Variants in DYNC1I1 observed in about 807,000 individuals in gnomAD.
DYNC1I1 encodes the protein dynein cytoplasmic 1 intermediate chain 1, also known as cytoplasmic dynein 1 intermediate chain 1.
A neutral mutation model predicts 86.6 loss-of-function variants in DYNC1I1; 43 were observed. The ratio of observed to expected loss-of-function variants is 0.50; its 90% CI spans 0.39 to 0.64. DYNC1I1 has a LOEUF of 0.64. Among genes scored for constraint, DYNC1I1 ranks in the 30% least tolerant of loss-of-function variants. The pLI is 0.00. For synonymous variants in DYNC1I1, 262 were observed against 283.7 expected (o/e 0.92, Z 0.77); for missense variants, 604 against 788.8 (o/e 0.77, Z 2.81).
intron 1 of DYNC1I1, among the ~76,000 whole-genome samples, chr7:95,794,189 T>A (rs551406475): frequency 6.6e-6 from 1 of 152,326 alleles, no homozygotes; most frequent in Non-Finnish European, 1.5e-5. Context: ...CCTAGAGGGC[T>A]CCCATCTCCT....
chr7:96,049,303 C>T (rs1016408005), intron 14 of DYNC1I1, among the ~76,000 whole-genome samples: 3 of 149,094 alleles, frequency 2.0e-5, no homozygotes, highest in Non-Finnish European at 4.5e-5. Context: ...TTTTGCAGGA[C>T]TATGGCTGAA....
At chr7:95,878,482 A>T (rs1375827951) in intron 6 of DYNC1I1, among the ~76,000 whole-genome samples, 2 of 152,214 alleles carry the variant, frequency 1.3e-5, no homozygotes, top group African/African-American at 4.8e-5. Flanking sequence ...GAACTAATAG[A>T]AGAAAAGAAT....
At chr7:96,028,869 AG>A (rs1327101167) in intron 11 of DYNC1I1, among the ~76,000 whole-genome samples, 1 of 152,226 alleles carries the variant, frequency 6.6e-6, no homozygotes, top group African/African-American at 2.4e-5. Flanking sequence ...ATAATTTAGT[AG>A]AAGAGGTTCA....
chr7:95,880,567 T>C (rs1790427221), intron 6 of DYNC1I1, among the ~76,000 whole-genome samples: 1 of 151,446 alleles, frequency 6.6e-6, no homozygotes, highest in Non-Finnish European at 1.5e-5. Flanking sequence ...TGTGAGAGAG[T>C]GGGTAAGTCT....
chr7:95,803,801 G>A (rs1794639086), intron 1 of DYNC1I1, among the ~76,000 whole-genome samples: 1 of 151,990 alleles, frequency 6.6e-6, no homozygotes, highest in Non-Finnish European at 1.5e-5. Context: ...ATTTCTCAAG[G>A]TTTCCATTTT....
intron 1 of DYNC1I1, among the ~76,000 whole-genome samples, chr7:95,786,014 T>A (rs1391910311): frequency 6.6e-6 from 1 of 152,058 alleles, no homozygotes; most frequent in Non-Finnish European, 1.5e-5. Flanking sequence ...GTAGTTTGCC[T>A]TGATTAGCAC....
rs200377131 is a variant in DYNC1I1, at chr7:96,004,774, CCA to C, written c.969+8704_969+8705del. On this transcript the variant is annotated intron_variant, in intron 10 of 16. Coordinates refer to ENST00000447467, the MANE Select transcript of DYNC1I1 (RefSeq NM_001135556.2). ...CCAAAACCTCAAGCAGTGACAAAATCCACAGTGTCCTGTAGGGGATGCCTTTG... is the reference window on the plus strand; with the variant it reads ...CCAAAACCTCAAGCAGTGACAAAATCCAGTGTCCTGTAGGGGATGCCTTTG... Among the ~76,000 whole-genome samples the C allele has an allele frequency of 2.2e-4, 33 of 152,128 alleles. 1 individual carries two copies. The East Asian group carries it at 6.2e-3, about 29-fold the overall frequency.
intron 9 of DYNC1I1, 72 bp from the exon 10 acceptor site, chr7:95,995,876 A>AT: frequency 6.5e-7 from 1 of 1,531,632 alleles, no homozygotes; most frequent in Non-Finnish European, 8.8e-7. Flanking sequence ...TACCACGTGT[A>AT]TGTAGGAATA....
intron 15 of DYNC1I1, among the ~76,000 whole-genome samples, chr7:96,079,309 A>G (rs1420689406): frequency 6.6e-6 from 1 of 152,176 alleles, no homozygotes; most frequent in African/African-American, 2.4e-5. Context: ...GCATGAGATG[A>G]TCCTAGTGGC....
chr7:96,066,563 C>A (rs1203100314), intron 14 of DYNC1I1, among the ~76,000 whole-genome samples: 1 of 152,184 alleles, frequency 6.6e-6, no homozygotes, highest in African/African-American at 2.4e-5. Flanking sequence ...ATGGTAAAAA[C>A]CTGGGTACCT....
intron 6 of DYNC1I1, among the ~76,000 whole-genome samples, chr7:95,941,901 T>C (rs1365509047): frequency 1.3e-5 from 2 of 152,226 alleles, no homozygotes; most frequent in Admixed American, 1.3e-4. Flanking sequence ...GTGTCGCTCA[T>C]GCTGGGAGCT....
intron 4 of DYNC1I1, among the ~76,000 whole-genome samples, chr7:95,822,429 T>C (rs778142587): frequency 7.9e-5 from 12 of 152,198 alleles, no homozygotes; most frequent in Non-Finnish European, 1.0e-4. Flanking sequence ...GGCATTTTTG[T>C]ATAAGGTGCC....
intron 10 of DYNC1I1, among the ~76,000 whole-genome samples, chr7:96,008,272 G>C (rs1356557297): frequency 6.6e-6 from 1 of 152,120 alleles, no homozygotes; most frequent in Non-Finnish European, 1.5e-5. Context: ...AATGAGAAGA[G>C]AGATGCAAAG....
At chr7:96,055,009 C>T (rs1024012064) in intron 14 of DYNC1I1, among the ~76,000 whole-genome samples, 1 of 152,094 alleles carries the variant, frequency 6.6e-6, no homozygotes, top group African/African-American at 2.4e-5. Context: ...GTTGCCATTG[C>T]TTTTGGTGTT....
intron 1 of DYNC1I1, chr7:95,804,473 A>G (rs1377846077): frequency 2.1e-6 from 2 of 940,822 alleles, no homozygotes; most frequent in East Asian, 8.9e-5. Context: ...TGCTTAGGCC[A>G]CATAATAACC....
At chr7:95,922,230 G>C (rs529334917) in intron 6 of DYNC1I1, among the ~76,000 whole-genome samples, 39 of 151,998 alleles carry the variant, frequency 2.6e-4, no homozygotes, top group Non-Finnish European at 4.7e-4. Flanking sequence ...TGTAAAGGTG[G>C]TTTCAGTAAT....
At chr7:95,818,157 T>C (rs1179895056) in intron 4 of DYNC1I1, among the ~76,000 whole-genome samples, 2 of 152,084 alleles carry the variant, frequency 1.3e-5, no homozygotes, top group Admixed American at 6.6e-5. Context: ...CTGATGTTTG[T>C]CTTTGGTGAG....
chr7:95,778,591 T>C (rs960757088), intron 1 of DYNC1I1, among the ~76,000 whole-genome samples: 7 of 152,228 alleles, frequency 4.6e-5, no homozygotes, highest in Non-Finnish European at 1.0e-4. Context: ...TTTATCTTTC[T>C]TCTATTTAAT....
At chr7:95,948,534 G>C (rs1431344980) in intron 6 of DYNC1I1, among the ~76,000 whole-genome samples, 1 of 152,140 alleles carries the variant, frequency 6.6e-6, no homozygotes, top group Non-Finnish European at 1.5e-5. Flanking sequence ...GTTGGTTCTT[G>C]AGTTGACACC....
Sources: allele counts gnomAD v4.1 joint callset (sites outside exome capture counted in the v4.1 genomes callset), GRCh38; gene constraint gnomAD v4.1.1; transcripts MANE v1.5; gene names NCBI Gene and HGNC (gene_info 2026-07-23, HGNC 2026-07-21).